ANOS1: variants seen among roughly 807,000 people sequenced by gnomAD.
ANOS1 encodes anosmin 1.
A neutral mutation model predicts 59.0 loss-of-function variants in ANOS1; 6 were observed. That is an observed-to-expected ratio of 0.10 (90% CI 0.06 to 0.20). The LOEUF is 0.20. Among genes scored for constraint, ANOS1 ranks in the 10% least tolerant of loss-of-function variants. The pLI is 1.00. For synonymous variants in ANOS1, 217 were observed against 223.4 expected (o/e 0.97, Z 0.25); for missense variants, 433 against 542.3 (o/e 0.80, Z 2.00).
At chrX:8,693,757 T>A (rs889267776) in intron 2 of ANOS1, among the ~76,000 whole-genome samples, 2 of 102,667 alleles carry the variant, frequency 1.9e-5, no homozygotes, top group Non-Finnish European at 4.0e-5. Flanking sequence ...TTTTTTTTTT[T>A]AGACAGAGTC....
At chrX:8,710,632 A>G (rs1298263867) in intron 1 of ANOS1, among the ~76,000 whole-genome samples, 1 of 111,826 alleles carries the variant, frequency 8.9e-6, no homozygotes, top group Non-Finnish European at 1.9e-5. Context: ...AATACAGGGA[A>G]CTTTCCAAGG....
chrX:8,628,200 T>A (rs1931427888), intron 2 of ANOS1, among the ~76,000 whole-genome samples: 1 of 111,803 alleles, frequency 8.9e-6, no homozygotes, highest in South Asian at 3.8e-4. Context: ...CATGACAGTT[T>A]ACAAGTGCCA....
chrX:8,685,655 AGAAAAAG>A (rs1932509836), intron 2 of ANOS1, among the ~76,000 whole-genome samples: 1 of 104,907 alleles, frequency 9.5e-6, no homozygotes, highest in African/African-American at 3.6e-5. Flanking sequence ...AAAGAAAGAA[AGAAAAAG>A]AAAGGAAGGA....
At chrX:8,627,767 C>T (rs1308945521) in intron 2 of ANOS1, among the ~76,000 whole-genome samples, 3 of 108,552 alleles carry the variant, frequency 2.8e-5, no homozygotes, top group Admixed American at 1.0e-4. Flanking sequence ...TAAAGTGTTG[C>T]GGGAGAAAAC....
At chrX:8,613,081 G>A (rs1200537071) in intron 3 of ANOS1, among the ~76,000 whole-genome samples, 2 of 112,383 alleles carry the variant, frequency 1.8e-5, no homozygotes, top group Non-Finnish European at 3.8e-5. Context: ...CTGCTATCAT[G>A]TTTACAATGC....
chrX:8,562,047 T>C lies in ANOS1; in HGVS notation c.1207+6185A>G, dbSNP rs745870696. The stretch of plus-strand genomic sequence containing the variant: ...CCTCCGCCTCCCGGGTTCAAGCCAT[T>C]CTCGTGCCTCAGCCTCCTGAGTAGC... On this transcript the variant is annotated intron_variant, in intron 8 of 13. Transcript: ENST00000262648. 3.6e-5 allele frequency among the ~76,000 whole-genome samples: 4 copies of C among 110,624 alleles called. No individual in the cohort carries two copies. In the South Asian group the frequency reaches 1.6e-3, roughly 43 times the overall value.
chrX:8,713,608 T>C (rs766060246), intron 1 of ANOS1, among the ~76,000 whole-genome samples: 7 of 110,595 alleles, frequency 6.3e-5, no homozygotes, highest in East Asian at 2.8e-4. Context: ...TTTCTTTTTT[T>C]TTTCTTTCTT....
At chrX:8,623,030 TGATGGATGGATGGATG>T (rs34949507) in intron 3 of ANOS1, among the ~76,000 whole-genome samples, 3 of 102,437 alleles carry the variant, frequency 2.9e-5, no homozygotes, top group African/African-American at 7.1e-5. Flanking sequence ...GATGGATGGA[TGATGGATGGATGGATG>T]GATGGATGGA....
At chrX:8,657,152 G>A (rs1931945562) in intron 2 of ANOS1, among the ~76,000 whole-genome samples, 2 of 112,466 alleles carry the variant, frequency 1.8e-5, no homozygotes, top group African/African-American at 6.5e-5. Context: ...TAAAAACTCT[G>A]GACACTTGAG....
At position 8,719,619 on chromosome X, in the gene ANOS1, G is replaced by A. The variant is rs757744886; in HGVS notation, c.207+12211C>T. On this transcript the variant is annotated intron_variant, in intron 1 of 13. Coordinates refer to ENST00000262648, the MANE Select transcript of ANOS1 (RefSeq NM_000216.4). Reference sequence around the variant, plus strand: ...TGGTCTCAAACTCCTAAACTCAGGCGATCTGCCCACCTTGGCCTCCCAAAA... The same window carrying A: ...TGGTCTCAAACTCCTAAACTCAGGCAATCTGCCCACCTTGGCCTCCCAAAA... Among the ~76,000 whole-genome samples the A allele has an allele frequency of 2.3e-3, 261 of 111,617 alleles. 3 individuals are homozygous for A. The highest frequency in any genetic ancestry group is 8.2e-3 in the African/African-American group (251 of 30,706).
At chrX:8,591,743 C>T (rs1213958811) in intron 4 of ANOS1, among the ~76,000 whole-genome samples, 1 of 112,324 alleles carries the variant, frequency 8.9e-6, no homozygotes, top group Non-Finnish European at 1.9e-5. Flanking sequence ...GGGGCTCAAC[C>T]CCCCTCAAGA....
At chrX:8,703,208 G>C (rs1346565755) in intron 1 of ANOS1, among the ~76,000 whole-genome samples, 1 of 112,136 alleles carries the variant, frequency 8.9e-6, no homozygotes, top group Non-Finnish European at 1.9e-5. Flanking sequence ...CTGTCTGTAA[G>C]ACATTAGCAA....
At chrX:8,566,412 CAT>C (rs1400391867) in intron 8 of ANOS1, among the ~76,000 whole-genome samples, 5 of 110,985 alleles carry the variant, frequency 4.5e-5, no homozygotes, top group South Asian at 3.8e-4. Flanking sequence ...TTTGTAGACA[CAT>C]GTGTATATGT....
chrX:8,650,492 CG>C lies in ANOS1; in HGVS notation c.256-26823del, dbSNP rs778279907. Among the ~76,000 whole-genome samples the C allele has an allele frequency of 2.8e-3, 312 of 111,980 alleles. 1 individual carries two copies. Among genetic ancestry groups the C allele is most frequent in the African/African-American group, 9.8e-3 (302 of 30,827 alleles). ...GATAAACAGGCTAGGCCAAGGTGGG[CG>C]GATCACTTGAAGTCAGGAGTTCAAG... On this transcript the variant is annotated intron_variant, in intron 2 of 13. Coordinates refer to ENST00000262648, the MANE Select transcript of ANOS1 (RefSeq NM_000216.4).
At chrX:8,675,685 C>CTT (rs766188155) in intron 2 of ANOS1, among the ~76,000 whole-genome samples, 11 of 102,057 alleles carry the variant, frequency 1.1e-4, no homozygotes, top group African/African-American at 3.9e-4. Flanking sequence ...ATTTATATTT[C>CTT]TTTTTTTTTT....
rs201581834 is a variant in ANOS1, at chrX:8,675,162, CA to C, written c.255+24535del. On this transcript the variant is annotated intron_variant, in intron 2 of 13. Coordinates refer to ENST00000262648, the MANE Select transcript of ANOS1 (RefSeq NM_000216.4). The stretch of plus-strand genomic sequence containing the variant: ...ACAAGAAATGAACTTTGCAAAATCC[CA>C]AAGCTGTGAATTTGGCACCTCTCAA... Among the ~76,000 whole-genome samples, 575 of 111,514 alleles carry C rather than the reference CA, an allele frequency of 5.2e-3. 4 individuals carry two copies. Among genetic ancestry groups the C allele is most frequent in the African/African-American group, 0.018 (554 of 30,729 alleles).
chrX:8,612,441 T>C (rs1468641989), intron 3 of ANOS1, among the ~76,000 whole-genome samples: 3 of 108,569 alleles, frequency 2.8e-5, no homozygotes, highest in Non-Finnish European at 5.8e-5. Flanking sequence ...AGAAATTATA[T>C]AAAGAGAGTC....
intron 1 of ANOS1, among the ~76,000 whole-genome samples, chrX:8,709,820 G>A (rs1490250018): frequency 1.8e-5 from 2 of 112,139 alleles, no homozygotes; most frequent in African/African-American, 6.5e-5. Flanking sequence ...TATGACTTGC[G>A]ACATTTCTTA....
chrX:8,651,300 C>T (rs1447285952), intron 2 of ANOS1, among the ~76,000 whole-genome samples: 1 of 112,363 alleles, frequency 8.9e-6, no homozygotes, highest in Non-Finnish European at 1.9e-5. Context: ...CAATGCAAAT[C>T]GCCTCCCAGA....
Sources: gnomAD v4.1 joint callset for allele counts (sites outside exome capture counted in the v4.1 genomes callset) on GRCh38, gnomAD v4.1.1 for gene constraint, MANE v1.5 for transcripts, NCBI Gene and HGNC (gene_info 2026-07-23, HGNC 2026-07-21) for gene names.